The following PRR5L variants were observed in gnomAD, a reference collection of about 807,000 sequenced individuals.
PRR5L encodes proline rich 5 like, also known as proline-rich protein 5-like.
Under a neutral mutation model 36.4 loss-of-function variants are expected in PRR5L, and 21 were observed. The observed-to-expected ratio is 0.58, with a 90% CI of 0.41 to 0.83. PRR5L has a LOEUF of 0.83. PRR5L is among the 40% of genes least tolerant of loss of function. The pLI is 0.00. For missense variants in PRR5L, 381 were observed against 473.3 expected (o/e 0.80, Z 1.81); for synonymous variants, 188 against 197.0 (o/e 0.95, Z 0.38).
At chr11:36,312,135 G>A (rs1327978772) in intron 1 of PRR5L, among the ~76,000 whole-genome samples, 1 of 152,184 alleles carries the variant, frequency 6.6e-6, no homozygotes. Context: ...GTGGCAGAGA[G>A]AATTTTTACT....
chr11:36,457,615 AAAAAC>A (rs1270785859), intron 8 of PRR5L, among the ~76,000 whole-genome samples: 3 of 152,044 alleles, frequency 2.0e-5, no homozygotes, highest in African/African-American at 4.8e-5. Flanking sequence ...CAAAAAAAAA[AAAAAC>A]AAAACAAAAA....
chr11:36,442,565 C>T (rs1345620286), intron 6 of PRR5L, among the ~76,000 whole-genome samples: 1 of 152,148 alleles, frequency 6.6e-6, no homozygotes, highest in East Asian at 1.9e-4. Context: ...TGGTCTCAAA[C>T]TCCTGACCTT....
At chr11:36,446,541 CT>C in intron 7 of PRR5L, 101 bp downstream of exon 7, 1 of 1,380,162 alleles carries the variant, frequency 7.2e-7, no homozygotes, top group Non-Finnish European at 9.9e-7. Flanking sequence ...ACCAGAGCAC[CT>C]TAGCTTGGCT....
intron 1 of PRR5L, among the ~76,000 whole-genome samples, chr11:36,325,646 C>T (rs117920504): frequency 3.3e-5 from 5 of 152,136 alleles, no homozygotes; most frequent in African/African-American, 7.2e-5. Flanking sequence ...TCTGATTGGT[C>T]GGGTGTGAGC....
At chr11:36,428,911 C>T in intron 4 of PRR5L, among the ~76,000 whole-genome samples, 1 of 151,960 alleles carries the variant, frequency 6.6e-6, no homozygotes, top group African/African-American at 2.4e-5. Flanking sequence ...AAGACCCCTT[C>T]TAACCTCAAG....
intron 1 of PRR5L, among the ~76,000 whole-genome samples, chr11:36,316,741 A>G (rs1325305113): frequency 2.0e-5 from 3 of 152,192 alleles, no homozygotes; most frequent in African/African-American, 7.2e-5. Context: ...AGACTCTTGC[A>G]TCCAGAGGCT....
intron 4 of PRR5L, among the ~76,000 whole-genome samples, chr11:36,421,484 A>G (rs1393612058): frequency 1.3e-5 from 2 of 152,150 alleles, no homozygotes; most frequent in African/African-American, 4.8e-5. Flanking sequence ...TTTTAAATCG[A>G]AGTTTATTTA....
At chr11:36,402,210 C>CTGAA in intron 2 of PRR5L, among the ~76,000 whole-genome samples, 1 of 152,272 alleles carries the variant, frequency 6.6e-6, no homozygotes, top group South Asian at 2.1e-4. Flanking sequence ...TGAAGCATGA[C>CTGAA]TGAATTCTTT....
chr11:36,436,266 T>A (rs1286592926), intron 5 of PRR5L, among the ~76,000 whole-genome samples: 1 of 152,262 alleles, frequency 6.6e-6, no homozygotes, highest in Non-Finnish European at 1.5e-5. Flanking sequence ...TAATCTTGGC[T>A]GACCCAGTTT....
chr11:36,406,915 G>A (rs1857923661), intron 3 of PRR5L, among the ~76,000 whole-genome samples: 1 of 152,220 alleles, frequency 6.6e-6, no homozygotes, highest in Non-Finnish European at 1.5e-5. Flanking sequence ...GGCTAGCTGT[G>A]TGACCTTGGG....
At position 36,349,859 on chromosome 11, in the gene PRR5L, G is replaced by A. The variant is rs116043673; in HGVS notation, c.-125-51138G>A. ...GGAAAGGGGTGGTGAAAAATCACAA[G>A]AGGAAAATGGAACCTGGCACTAGAA... On this transcript the variant is annotated intron_variant, in intron 1 of 8. Transcript: ENST00000530639. 7.1e-3 allele frequency: 1,077 copies of A among 152,268 alleles called. 12 individuals carry two copies. Among genetic ancestry groups the A allele is most frequent in the African/African-American group, 0.025 (1,035 of 41,526 alleles). The allele number at this position is 152,268 out of a possible 1,614,324, so 9.4% of individuals were successfully genotyped here.
At chr11:36,358,333 T>C (rs1408220731) in intron 1 of PRR5L, among the ~76,000 whole-genome samples, 1 of 152,054 alleles carries the variant, frequency 6.6e-6, no homozygotes, top group Non-Finnish European at 1.5e-5. Flanking sequence ...TTTTAAGAAA[T>C]TGCCACAGCC....
intron 1 of PRR5L, chr11:36,380,452 A>G (rs1301677132): frequency 1.3e-5 from 2 of 152,194 alleles, no homozygotes; most frequent in Non-Finnish European, 2.9e-5. Flanking sequence ...TTTTAATTAG[A>G]CTTGGCCCTT....
chr11:36,323,515 T>G (rs896537842), intron 1 of PRR5L: 1 of 152,228 alleles, frequency 6.6e-6, no homozygotes, highest in African/African-American at 2.4e-5. Context: ...TGAGCCGATT[T>G]AAGATGACTC....
rs780073140 is a variant in PRR5L, at chr11:36,384,202, C to A, written c.-125-16795C>A. On this transcript the variant is annotated intron_variant, in intron 1 of 8. Transcript: ENST00000530639. ...CAAAATTTCCTTTCCAGTCTCCAGGCCCCATATTCTTTAGTGTTATGGGCA... is the reference window on the plus strand; with the variant it reads ...CAAAATTTCCTTTCCAGTCTCCAGGACCCATATTCTTTAGTGTTATGGGCA... 2.0e-4 allele frequency among the ~76,000 whole-genome samples: 30 copies of A among 152,298 alleles called. 1 individual carries two copies. Among genetic ancestry groups the A allele is most frequent in the African/African-American group, 4.1e-4 (17 of 41,554 alleles).
At chr11:36,409,183 G>A (rs1345158247) in intron 3 of PRR5L, among the ~76,000 whole-genome samples, 1 of 152,140 alleles carries the variant, frequency 6.6e-6, no homozygotes, top group Non-Finnish European at 1.5e-5. Context: ...GGCAGAAAGG[G>A]CAGTTGAGGA....
intron 1 of PRR5L, chr11:36,398,807 G>A (rs1432666559): frequency 1.3e-5 from 2 of 152,234 alleles, no homozygotes; most frequent in African/African-American, 4.8e-5. Flanking sequence ...CTGGAGAAGT[G>A]GATGTTTCGG....
chr11:36,306,147 G>A (rs546261958), intron 1 of PRR5L, among the ~76,000 whole-genome samples: 4 of 151,868 alleles, frequency 2.6e-5, no homozygotes, highest in East Asian at 1.9e-4. Flanking sequence ...TGTGCACAAC[G>A]CGCAGGTTTG....
chr11:36,304,770 G>C (rs1053046643), intron 1 of PRR5L, among the ~76,000 whole-genome samples: 1 of 152,120 alleles, frequency 6.6e-6, no homozygotes, highest in Non-Finnish European at 1.5e-5. Context: ...TACATTGAAA[G>C]TCATGGTAAT....
Sources: allele counts gnomAD v4.1 joint callset (sites outside exome capture counted in the v4.1 genomes callset), GRCh38; gene constraint gnomAD v4.1.1; transcripts MANE v1.5; gene names NCBI Gene and HGNC (gene_info 2026-07-23, HGNC 2026-07-21).